The following STPG2 variants were observed in gnomAD, a reference collection of about 807,000 sequenced individuals.
The protein encoded by STPG2 is sperm tail PG-rich repeat containing 2, also known as sperm-tail PG-rich repeat-containing protein 2.
STPG2 carries 56 observed loss-of-function variants against 54.2 expected under a neutral mutation model. The ratio of observed to expected loss-of-function variants is 1.03; its 90% CI spans 0.83 to 1.29. The LOEUF (loss-of-function observed/expected upper bound fraction) is 1.29. STPG2 is among the 50% of genes most tolerant of loss of function. STPG2 has a pLI of 0.00. For missense variants in STPG2, 596 were observed against 544.9 expected, an observed-to-expected ratio of 1.09 and a Z score of -0.93; for synonymous variants, 200 against 181.8, an observed-to-expected ratio of 1.10 and a Z score of -0.81.
At chr4:98,034,554 C>T (rs905535284) in intron 5 of STPG2, among the ~76,000 whole-genome samples, 3 of 152,150 alleles carry the variant, frequency 2.0e-5, no homozygotes, top group Admixed American at 1.3e-4. Flanking sequence ...ATGCTATCCG[C>T]ATCAAGCTAC....
At chr4:97,614,549 G>A (rs902480766) in intron 10 of STPG2, among the ~76,000 whole-genome samples, 1 of 152,032 alleles carries the variant, frequency 6.6e-6, no homozygotes, top group African/African-American at 2.4e-5. Flanking sequence ...AAGTCAACAA[G>A]CAAAATGCCT....
chr4:97,624,681 C>T (rs1247564599), intron 10 of STPG2, among the ~76,000 whole-genome samples: 1 of 152,002 alleles, frequency 6.6e-6, no homozygotes, highest in Non-Finnish European at 1.5e-5. Flanking sequence ...CATATTCATC[C>T]TGAAATCTTT....
intron 8 of STPG2, among the ~76,000 whole-genome samples, chr4:97,843,001 A>G (rs529606275): frequency 6.6e-6 from 1 of 151,904 alleles, no homozygotes; most frequent in Non-Finnish European, 1.5e-5. Context: ...ACAATAATTT[A>G]AACAACACCT....
chr4:98,059,536 C>G (rs1737579832), intron 5 of STPG2, among the ~76,000 whole-genome samples: 1 of 151,874 alleles, frequency 6.6e-6, no homozygotes, highest in Non-Finnish European at 1.5e-5. Flanking sequence ...AAAGACTCCT[C>G]CCCCAAATCA....
intron 5 of STPG2, among the ~76,000 whole-genome samples, chr4:98,033,582 A>T (rs1437336895): frequency 6.6e-6 from 1 of 152,184 alleles, no homozygotes; most frequent in East Asian, 1.9e-4. Flanking sequence ...AAAAAGAGGG[A>T]ATCCTTCCTA....
At chr4:97,753,107 T>C (rs1260323403) in intron 9 of STPG2, among the ~76,000 whole-genome samples, 3 of 151,988 alleles carry the variant, frequency 2.0e-5, no homozygotes, top group Non-Finnish European at 2.9e-5. Flanking sequence ...TTTTAACCAT[T>C]TGTAAATGCA....
rs560581671 is a variant in STPG2, at chr4:97,968,330, T to C, written c.933+3950A>G. Reference sequence around the variant, plus strand: ...CAACCAAAAAATTTCCAGGACAAGATGGATTCACAGCCGAATTCTACCAGA... The same window carrying C: ...CAACCAAAAAATTTCCAGGACAAGACGGATTCACAGCCGAATTCTACCAGA... On this transcript the variant is annotated intron_variant, in intron 7 of 10. Transcript: ENST00000295268. 5.3e-5 allele frequency among the ~76,000 whole-genome samples: 8 copies of C among 152,280 alleles called. 1 individual carries two copies. In the South Asian group the frequency reaches 1.7e-3, roughly 32 times the overall value.
At chr4:97,690,425 C>T (rs3843445) in intron 10 of STPG2, among the ~76,000 whole-genome samples, 89,380 of 151,736 alleles carry the variant, frequency 0.59, 26,638 homozygotes, top group South Asian at 0.68. Flanking sequence ...GAAATCTATA[C>T]GGGCAAATCA....
intron 10 of STPG2, among the ~76,000 whole-genome samples, chr4:97,563,689 G>A (rs141636421): frequency 0.019 from 2,861 of 152,092 alleles, 84 homozygotes; most frequent in African/African-American, 0.064. Context: ...CCTTCATTTC[G>A]TTATGTACCC....
intron 5 of STPG2, among the ~76,000 whole-genome samples, chr4:98,057,984 C>A (rs1279789679): frequency 1.3e-5 from 2 of 152,176 alleles, no homozygotes; most frequent in Non-Finnish European, 2.9e-5. Flanking sequence ...AAATAATATT[C>A]TTTTCAGACA....
At chr4:97,773,220 T>C (rs773733246) in intron 9 of STPG2, among the ~76,000 whole-genome samples, 22 of 152,176 alleles carry the variant, frequency 1.4e-4, no homozygotes, top group South Asian at 4.1e-4. Flanking sequence ...ATGATAGAAA[T>C]TGACTGTACC....
chr4:97,679,944 T>C (rs9760797), intron 10 of STPG2, among the ~76,000 whole-genome samples: 86,597 of 149,426 alleles, frequency 0.58, 25,311 homozygotes, highest in South Asian at 0.66. Flanking sequence ...TGTAGATATG[T>C]GGCGTTATTT....
intron 1 of STPG2, among the ~76,000 whole-genome samples, chr4:98,141,517 T>C (rs1450341001): frequency 2.0e-5 from 3 of 152,228 alleles, no homozygotes; most frequent in East Asian, 1.9e-4. Context: ...AGTCTTCAGA[T>C]AGACTCAACC....
intron 5 of STPG2, chr4:98,025,683 G>T (rs1029702504): frequency 3.5e-6 from 4 of 1,149,358 alleles, no homozygotes; most frequent in East Asian, 2.3e-5. Flanking sequence ...GCAGCGTATT[G>T]TACTGGCCTC....
chr4:97,699,011 C>T (rs1385428492), intron 10 of STPG2, among the ~76,000 whole-genome samples: 1 of 152,186 alleles, frequency 6.6e-6, no homozygotes, highest in Non-Finnish European at 1.5e-5. Context: ...GATAGGCAAA[C>T]ACATATCCAG....
chr4:97,683,685 G>A (rs1006113749), intron 10 of STPG2, among the ~76,000 whole-genome samples: 1 of 151,678 alleles, frequency 6.6e-6, no homozygotes, highest in Non-Finnish European at 1.5e-5. Context: ...GACACGAGAT[G>A]CTTTTCTCGT....
At chr4:98,085,135 G>A (rs1002275159) in intron 5 of STPG2, among the ~76,000 whole-genome samples, 3 of 151,972 alleles carry the variant, frequency 2.0e-5, no homozygotes, top group African/African-American at 7.2e-5. Flanking sequence ...ATGTTTTAAG[G>A]TTTGGTTTGG....
At chr4:97,760,899 C>T (rs1231985625) in intron 9 of STPG2, among the ~76,000 whole-genome samples, 4 of 152,130 alleles carry the variant, frequency 2.6e-5, no homozygotes, top group Non-Finnish European at 4.4e-5. Context: ...CATGCCATGC[C>T]TTTTCCAGCT....
chr4:97,599,253 GGCAAGGTT>G (rs1428669059), intron 10 of STPG2, among the ~76,000 whole-genome samples: 1 of 152,108 alleles, frequency 6.6e-6, no homozygotes, highest in Non-Finnish European at 1.5e-5. Flanking sequence ...AAGAGATGCT[GGCAAGGTT>G]GCAGAGAAAA....
Sources: allele counts gnomAD v4.1 joint callset (sites outside exome capture counted in the v4.1 genomes callset), GRCh38; gene constraint gnomAD v4.1.1; transcripts MANE v1.5; gene names NCBI Gene and HGNC (gene_info 2026-07-23, HGNC 2026-07-21).